The following XKR6 variants were observed in gnomAD, a reference collection of about 807,000 sequenced individuals.
XKR6 encodes the protein XK-related protein 6.
A neutral mutation model predicts 56.7 loss-of-function variants in XKR6; 22 were observed. The observed-to-expected ratio is 0.39, with a 90% confidence interval of 0.28 to 0.55. XKR6 has a LOEUF of 0.55. XKR6 is among the 20% of genes least tolerant of loss of function. The pLI is 0.66. For missense variants in XKR6, 852 were observed against 889.0 expected, an observed-to-expected ratio of 0.96 and a Z score of 0.53; for synonymous variants, 524 against 387.8, an observed-to-expected ratio of 1.35 and a Z score of -4.13.
chr8:10,903,761 C>T (rs78629049), intron 2 of XKR6, among the ~76,000 whole-genome samples: 1 of 152,264 alleles, frequency 6.6e-6, no homozygotes, highest in African/African-American at 2.4e-5. Context: ...GGAGAGACTT[C>T]TCAGACCAGT....
intron 1 of XKR6, among the ~76,000 whole-genome samples, chr8:11,118,046 A>G (rs1799265820): frequency 6.6e-6 from 1 of 152,236 alleles, no homozygotes; most frequent in Non-Finnish European, 1.5e-5. Flanking sequence ...GACGTTATTT[A>G]CCAAAATGTT....
chr8:10,961,368 G>C (rs145198605), intron 1 of XKR6, among the ~76,000 whole-genome samples: 24 of 152,320 alleles, frequency 1.6e-4, no homozygotes, highest in Middle Eastern at 6.8e-3. Flanking sequence ...GGAGCTGTGA[G>C]TCCAGAGACA....
intron 1 of XKR6, among the ~76,000 whole-genome samples, chr8:11,013,563 T>C (rs1450745673): frequency 6.6e-6 from 1 of 152,214 alleles, no homozygotes; most frequent in East Asian, 1.9e-4. Flanking sequence ...CACAAATTCA[T>C]TGAGACACAT....
intron 1 of XKR6, among the ~76,000 whole-genome samples, chr8:11,141,432 C>A (rs527514898): frequency 6.6e-6 from 1 of 152,220 alleles, no homozygotes; most frequent in South Asian, 2.1e-4. Context: ...AACTAAGGCA[C>A]CATGTGAAGC....
intron 1 of XKR6, among the ~76,000 whole-genome samples, chr8:10,979,040 C>T (rs1419066670): frequency 2.6e-5 from 4 of 152,140 alleles, no homozygotes; most frequent in Admixed American, 2.6e-4. Context: ...TCTAATTTTT[C>T]CTATCAAAGC....
At chr8:11,126,793 C>T (rs1260816750) in intron 1 of XKR6, among the ~76,000 whole-genome samples, 1 of 152,116 alleles carries the variant, frequency 6.6e-6, no homozygotes, top group Admixed American at 6.5e-5. Context: ...ACCTCAGAGA[C>T]CAGGAGATGT....
chr8:10,988,508 C>G (rs545326068), intron 1 of XKR6, among the ~76,000 whole-genome samples: 1 of 152,320 alleles, frequency 6.6e-6, no homozygotes, highest in Non-Finnish European at 1.5e-5. Flanking sequence ...CCCACTGTCA[C>G]GTAGATGCAA....
chr8:10,975,959 G>C (rs1802542736), intron 1 of XKR6, among the ~76,000 whole-genome samples: 2 of 152,174 alleles, frequency 1.3e-5, no homozygotes, highest in African/African-American at 2.4e-5. Flanking sequence ...CAGATCACGA[G>C]ATCAGGAGAT....
intron 1 of XKR6, chr8:11,067,212 G>A (rs1407902162): frequency 6.6e-6 from 1 of 152,378 alleles, no homozygotes; most frequent in Non-Finnish European, 1.5e-5. Context: ...AGGCGGCTCT[G>A]ACTCTCCCAG....
chr8:10,923,872 C>T (rs1351596590), intron 2 of XKR6, among the ~76,000 whole-genome samples: 1 of 152,230 alleles, frequency 6.6e-6, no homozygotes, highest in African/African-American at 2.4e-5. Flanking sequence ...GAGCGCTCTG[C>T]AGTCAGGAAC....
intron 1 of XKR6, among the ~76,000 whole-genome samples, chr8:10,984,684 T>C (rs1373481779): frequency 8.2e-6 from 1 of 121,604 alleles, no homozygotes; most frequent in African/African-American, 3.0e-5. Context: ...ACACAAAAGA[T>C]AAAATACATG....
chr8:10,939,455 T>C lies in XKR6; in HGVS notation c.765-14625A>G, dbSNP rs561208268. ...AGGGACAGCTGCTCCCACAGTCCTA[T>C]CCTAGAGACCCAGGCCCCTGGGGAC... On this transcript the variant is annotated intron_variant, in intron 1 of 2. Coordinates refer to ENST00000416569, the MANE Select transcript of XKR6 (RefSeq NM_173683.4). Among the ~76,000 whole-genome samples, 41 of 152,302 alleles carry C rather than the reference T, an allele frequency of 2.7e-4. No individual in the cohort carries two copies. The East Asian group carries it at 6.7e-3, about 25-fold the overall frequency.
rs1585043077 is a variant in XKR6 at position 11,194,952 on chromosome 8, C to T, written c.764+5624G>A. 11 of 544,370 alleles carry T rather than the reference C, an allele frequency of 2.0e-5. No homozygotes were observed. The East Asian group carries it at 3.3e-4, about 17-fold the overall frequency. 33.7% of individuals were successfully genotyped at this position (544,370 alleles called of 1,614,324 possible). On this transcript the variant is annotated intron_variant, in intron 1 of 2. Transcript: ENST00000416569. ...CCAAAGCATGCCATTTTTTCATCCC[C>T]TTCCCTTGAAAATTTACCATAAATG...
intron 2 of XKR6, among the ~76,000 whole-genome samples, chr8:10,916,385 ATCACCTTTTGTG>A (rs1350090325): frequency 1.3e-5 from 2 of 152,238 alleles, no homozygotes; most frequent in Non-Finnish European, 2.9e-5. Context: ...GTTTGAAGTA[ATCACCTTTTGTG>A]TCCTTGATTT....
chr8:11,014,647 C>T (rs1319719761), intron 1 of XKR6, among the ~76,000 whole-genome samples: 2 of 152,136 alleles, frequency 1.3e-5, no homozygotes, highest in African/African-American at 4.8e-5. Context: ...AATGTAGGTC[C>T]CATGATTGAG....
At chr8:10,905,275 G>A (rs1239409808) in intron 2 of XKR6, among the ~76,000 whole-genome samples, 1 of 152,176 alleles carries the variant, frequency 6.6e-6, no homozygotes. Context: ...CTGTCACTCA[G>A]GTCGTGCGGC....
At chr8:11,040,503 G>C (rs1799260260) in intron 1 of XKR6, among the ~76,000 whole-genome samples, 1 of 152,130 alleles carries the variant, frequency 6.6e-6, no homozygotes, top group South Asian at 2.1e-4. Flanking sequence ...CAGTACTCCA[G>C]CCTGGGTGAC....
chr8:11,170,909 G>A (rs1405570271), intron 1 of XKR6, among the ~76,000 whole-genome samples: 1 of 152,092 alleles, frequency 6.6e-6, no homozygotes, highest in Non-Finnish European at 1.5e-5. Context: ...TAGGTAACTA[G>A]GTAATTAACC....
intron 1 of XKR6, among the ~76,000 whole-genome samples, chr8:11,085,601 C>T (rs529076740): frequency 4.7e-4 from 71 of 152,212 alleles, no homozygotes; most frequent in Admixed American, 1.4e-3. Context: ...GGGGCCAGAG[C>T]GGGAGATTAT....
Sources: gnomAD v4.1 joint callset for allele counts (sites outside exome capture counted in the v4.1 genomes callset) on GRCh38, gnomAD v4.1.1 for gene constraint, MANE v1.5 for transcripts, NCBI Gene and HGNC (gene_info 2026-07-23, HGNC 2026-07-21) for gene names.